WDR70: variants seen among roughly 807,000 people sequenced by gnomAD.
The protein encoded by WDR70 is WD repeat domain 70.
WDR70 carries 53 observed loss-of-function variants against 88.6 expected under a neutral mutation model. The ratio of observed to expected loss-of-function variants is 0.60; its 90% CI spans 0.48 to 0.75. WDR70 has a LOEUF of 0.75. Ranked by LOEUF, WDR70 falls within the 30% of genes least tolerant of loss-of-function variation. WDR70 has a pLI of 0.00. For synonymous variants in WDR70, 280 were observed against 270.0 expected (o/e 1.04, Z -0.36); for missense variants, 610 against 823.2 (o/e 0.74, Z 3.17).
At chr5:37,574,080 A>G (rs956023813) in intron 9 of WDR70, among the ~76,000 whole-genome samples, 1 of 152,164 alleles carries the variant, frequency 6.6e-6, no homozygotes, top group African/African-American at 2.4e-5. Context: ...CACCTATGGA[A>G]GTTGAGAGGG....
intron 10 of WDR70, among the ~76,000 whole-genome samples, chr5:37,680,174 A>G (rs1307150942): frequency 4.9e-5 from 7 of 143,400 alleles, no homozygotes; most frequent in Non-Finnish European, 6.1e-5. Flanking sequence ...TTTTTTTCAT[A>G]TGTTTATTGG....
chr5:37,589,596 C>T (rs10941346), intron 9 of WDR70, among the ~76,000 whole-genome samples: 8 of 151,814 alleles, frequency 5.3e-5, no homozygotes, highest in East Asian at 3.9e-4. Flanking sequence ...TTTTTATTTT[C>T]GGAGGCAGGG....
chr5:37,647,821 A>G (rs1433747777), intron 10 of WDR70, among the ~76,000 whole-genome samples: 1 of 152,220 alleles, frequency 6.6e-6, no homozygotes, highest in Non-Finnish European at 1.5e-5. Context: ...GGCCACCACC[A>G]CTGGGACTGT....
chr5:37,493,851 G>C (rs1395675920), intron 8 of WDR70, among the ~76,000 whole-genome samples: 2 of 144,066 alleles, frequency 1.4e-5, no homozygotes, highest in Admixed American at 1.4e-4. Context: ...TTTTTTTTGA[G>C]ATGGAGTCTC....
At chr5:37,389,106 T>C (rs1440367690) in intron 3 of WDR70, among the ~76,000 whole-genome samples, 1 of 150,632 alleles carries the variant, frequency 6.6e-6, no homozygotes, top group African/African-American at 2.4e-5. Context: ...TTTTTTTTTT[T>C]CGTGGAGATG....
intron 8 of WDR70, among the ~76,000 whole-genome samples, chr5:37,487,627 A>ATATATATTTTTTTTTTTTTT (rs1317924512): frequency 1.4e-5 from 1 of 69,070 alleles, no homozygotes; most frequent in African/African-American, 5.0e-5. Context: ...ATATATATGT[A>ATATATATTTTTTTTTTTTTT]TTTTTTTTTT....
intron 5 of WDR70, among the ~76,000 whole-genome samples, chr5:37,418,539 A>T (rs2111983537): frequency 6.6e-6 from 1 of 151,992 alleles, no homozygotes; most frequent in Middle Eastern, 3.4e-3. Context: ...CCAGGATGGT[A>T]ATCTCCTTTT....
At chr5:37,562,927 G>C (rs1469749685) in intron 9 of WDR70, among the ~76,000 whole-genome samples, 2 of 150,640 alleles carry the variant, frequency 1.3e-5, no homozygotes, top group Admixed American at 6.6e-5. Flanking sequence ...CAAAACTGCC[G>C]TTGTCATCAT....
At chr5:37,675,524 G>T (rs534860067) in intron 10 of WDR70, among the ~76,000 whole-genome samples, 2 of 152,218 alleles carry the variant, frequency 1.3e-5, no homozygotes, top group Non-Finnish European at 2.9e-5. Flanking sequence ...TCTCAGGTTT[G>T]TCAAAGATCA....
chr5:37,654,063 T>C (rs1189167660), intron 10 of WDR70, among the ~76,000 whole-genome samples: 1 of 152,238 alleles, frequency 6.6e-6, no homozygotes, highest in Non-Finnish European at 1.5e-5. Flanking sequence ...TGTTTCCCGC[T>C]TTCTCTTGTG....
In WDR70 at chr5:37,471,459, C is replaced by CT. The variant is rs1213728846; in HGVS notation, c.687-8365dup. Among the ~76,000 whole-genome samples the CT allele has an allele frequency of 7.0e-5, 10 of 143,328 alleles. 1 individual carries two copies. In the East Asian group the frequency reaches 1.2e-3, roughly 18 times the overall value. The allele number at this position is 143,328 out of a possible 152,430, so 94.0% of individuals were successfully genotyped here. A position where few individuals can be genotyped will look rare whatever the true frequency, so the allele number is the denominator to read the frequency against. ...TTTTGGCCATTTTTCCGGTGGTTGC[C>CT]TTTTTTTTTTAAATACCATTTAATA... On this transcript the variant is annotated intron_variant, in intron 7 of 17. Coordinates refer to ENST00000265107, the MANE Select transcript of WDR70 (RefSeq NM_018034.4).
intron 9 of WDR70, among the ~76,000 whole-genome samples, chr5:37,583,823 C>A (rs1337488356): frequency 6.6e-6 from 1 of 152,022 alleles, no homozygotes; most frequent in Non-Finnish European, 1.5e-5. Flanking sequence ...AGTAATTATC[C>A]CTAAAAGGTA....
chr5:37,405,625 A>G (rs1210802513), intron 5 of WDR70, among the ~76,000 whole-genome samples: 1 of 152,166 alleles, frequency 6.6e-6, no homozygotes, highest in Non-Finnish European at 1.5e-5. Context: ...TTATAAAGCA[A>G]TTATGACCTC....
At chr5:37,464,029 T>G (rs1228369812) in intron 7 of WDR70, among the ~76,000 whole-genome samples, 1 of 152,246 alleles carries the variant, frequency 6.6e-6, no homozygotes, top group Non-Finnish European at 1.5e-5. Context: ...CCACCAAATG[T>G]AGATAGAACA....
chr5:37,617,738 C>T (rs1459491189), intron 10 of WDR70, among the ~76,000 whole-genome samples: 1 of 152,120 alleles, frequency 6.6e-6, no homozygotes, highest in Non-Finnish European at 1.5e-5. Flanking sequence ...CTTTATTTAC[C>T]TGCACTGTAG....
At chr5:37,399,965 C>G (rs1472657695) in intron 5 of WDR70, among the ~76,000 whole-genome samples, 1 of 152,098 alleles carries the variant, frequency 6.6e-6, no homozygotes, top group Non-Finnish European at 1.5e-5. Context: ...TGGAGTCTCA[C>G]TCTGTTGCCC....
chr5:37,565,272 C>T (rs1372460673), intron 9 of WDR70, among the ~76,000 whole-genome samples: 1 of 152,084 alleles, frequency 6.6e-6, no homozygotes, highest in Non-Finnish European at 1.5e-5. Context: ...GTTGTCAGCA[C>T]AATTCAGAGA....
At chr5:37,583,900 TTCC>T (rs1219324498) in intron 9 of WDR70, among the ~76,000 whole-genome samples, 9 of 152,186 alleles carry the variant, frequency 5.9e-5, no homozygotes. Context: ...TGCAGTATTC[TTCC>T]TCAAGTGAAA....
intron 8 of WDR70, among the ~76,000 whole-genome samples, chr5:37,501,875 G>C (rs1193694208): frequency 6.6e-6 from 1 of 152,088 alleles, no homozygotes; most frequent in Non-Finnish European, 1.5e-5. Flanking sequence ...GTTAGGTAAT[G>C]TTATACCTCT....
Sources: gnomAD v4.1 joint callset for allele counts (sites outside exome capture counted in the v4.1 genomes callset) on GRCh38, gnomAD v4.1.1 for gene constraint, MANE v1.5 for transcripts, NCBI Gene and HGNC (gene_info 2026-07-23, HGNC 2026-07-21) for gene names.